Variants in CFAP54 observed in about 807,000 individuals in gnomAD.
The protein encoded by CFAP54 is cilia and flagella associated protein 54, also known as cilia- and flagella-associated protein 54.
Under a neutral mutation model 370.4 loss-of-function variants are expected in CFAP54, and 290 were observed. The observed-to-expected ratio is 0.78, with a 90% CI of 0.71 to 0.86. The LOEUF (loss-of-function observed/expected upper bound fraction) is 0.86, where lower values mean the gene tolerates loss of function less well. Among genes scored for constraint, CFAP54 ranks in the 40% least tolerant of loss-of-function variants. The pLI, the probability that CFAP54 is intolerant of heterozygous loss-of-function variation, is 0.00. For synonymous variants in CFAP54, 1,206 were observed against 1,236.5 expected (o/e 0.98, Z 0.52); for missense variants, 3,399 against 3,528.7 (o/e 0.96, Z 0.93).
intron 52 of CFAP54, among the ~76,000 whole-genome samples, 171 bp downstream of exon 52, chr12:96,742,757 T>C (rs893945983): frequency 6.6e-6 from 1 of 152,232 alleles, no homozygotes. Flanking sequence ...TTAACAGCCC[T>C]TTGTATCATT....
At chr12:96,582,725 A>C (rs1956043437) in intron 22 of CFAP54, among the ~76,000 whole-genome samples, 1 of 152,176 alleles carries the variant, frequency 6.6e-6, no homozygotes, top group African/African-American at 2.4e-5. Flanking sequence ...ACTAAGTCAG[A>C]GCTATACTGC....
At chr12:96,676,271 GA>G in intron 39 of CFAP54, among the ~76,000 whole-genome samples, 1 of 152,132 alleles carries the variant, frequency 6.6e-6, no homozygotes, top group Non-Finnish European at 1.5e-5. Context: ...ACAAGCCTGA[GA>G]AAAGTTAATG....
chr12:96,712,694 G>A (rs1389810114), intron 48 of CFAP54, among the ~76,000 whole-genome samples: 2 of 151,856 alleles, frequency 1.3e-5, no homozygotes, highest in African/African-American at 4.8e-5. Context: ...CCCCTTCCCA[G>A]CCTCTAGTAA....
At chr12:96,771,584 G>A (rs1012268090) in intron 60 of CFAP54, among the ~76,000 whole-genome samples, 10 of 152,112 alleles carry the variant, frequency 6.6e-5, no homozygotes, top group East Asian at 5.8e-4. Context: ...CCCGGGAGGC[G>A]GAGCTTGCAG....
chr12:96,752,085 TGAGAGAGAGAGAGAGAGAGAGA>T (rs55648812), intron 55 of CFAP54, among the ~76,000 whole-genome samples: 19 of 90,570 alleles, frequency 2.1e-4, no homozygotes, highest in African/African-American at 7.0e-4. Flanking sequence ...TCTTCCTGGA[TGAGAGAGAGAGAGAGAGAGAGA>T]GAGAGAGAGA....
At position 96,718,443 on chromosome 12, in the gene CFAP54, A is replaced by C; in HGVS notation, c.6725A>C (p.Glu2242Ala). The change falls in exon 49 of 68, where the codon GAG (glutamate) becomes GCG (alanine). Residue 2242 changes from glutamate to alanine, a missense_variant and splice_region_variant. Coordinates refer to ENST00000524981, the MANE Select transcript of CFAP54 (RefSeq NM_001306084.2). ...CTTCCAAAATTTTGTGTCTTTATAG[A>C]GATATATTCAAAGGATGATGGAAGT... ...KSKPNLPNLEEIYSKDDGSSF... is the reference protein window; with the variant it reads ...KSKPNLPNLEAIYSKDDGSSF... The C allele has an allele frequency of 6.9e-7, 1 of 1,458,874 alleles. No individual in the cohort carries two copies. The highest frequency in any genetic ancestry group is 1.1e-5 in the South Asian group (1 of 87,264). The allele number at this position is 1,458,874 out of a possible 1,614,324, so 90.4% of individuals were successfully genotyped here. A position where few individuals can be genotyped will look rare whatever the true frequency, so the allele number is the denominator to read the frequency against.
At chr12:96,570,427 T>A (rs1422281236) in intron 19 of CFAP54, among the ~76,000 whole-genome samples, 1 of 152,080 alleles carries the variant, frequency 6.6e-6, no homozygotes, top group Non-Finnish European at 1.5e-5. Context: ...TTAGCATATC[T>A]ACATTTTGGA....
chr12:96,855,326 A>AG (rs1431576922), intron 66 of CFAP54, among the ~76,000 whole-genome samples: 2 of 152,142 alleles, frequency 1.3e-5, no homozygotes, highest in African/African-American at 4.8e-5. Flanking sequence ...ACAATTCAAA[A>AG]CACAATCAGG....
At chr12:96,639,301 C>T (rs1241386369) in intron 32 of CFAP54, among the ~76,000 whole-genome samples, 1 of 152,180 alleles carries the variant, frequency 6.6e-6, no homozygotes, top group Non-Finnish European at 1.5e-5. Flanking sequence ...CTATAAACAC[C>T]TCTATGCAAA....
intron 22 of CFAP54, among the ~76,000 whole-genome samples, chr12:96,582,406 C>A (rs988900800): frequency 6.6e-6 from 1 of 152,032 alleles, no homozygotes; most frequent in African/African-American, 2.4e-5. Flanking sequence ...TGTCATATTT[C>A]TATTCTATTT....
chr12:96,655,666 G>C (rs543390330), intron 36 of CFAP54, among the ~76,000 whole-genome samples: 1 of 151,864 alleles, frequency 6.6e-6, no homozygotes, highest in Non-Finnish European at 1.5e-5. Flanking sequence ...AAAACAATCT[G>C]ATTTTTTTTA....
At chr12:96,511,470 C>A (rs1432058308) in intron 4 of CFAP54, among the ~76,000 whole-genome samples, 1 of 152,196 alleles carries the variant, frequency 6.6e-6, no homozygotes, top group East Asian at 1.9e-4. Context: ...AGGTGCATAC[C>A]ATCACGCCCA....
intron 27 of CFAP54, among the ~76,000 whole-genome samples, chr12:96,622,916 C>T (rs1303275047): frequency 6.6e-6 from 1 of 151,838 alleles, no homozygotes; most frequent in Non-Finnish European, 1.5e-5. Context: ...TTTGATTAAG[C>T]TGGAAGCAAT....
intron 66 of CFAP54, among the ~76,000 whole-genome samples, chr12:96,841,333 A>G (rs894926624): frequency 1.3e-5 from 2 of 152,168 alleles, no homozygotes; most frequent in Non-Finnish European, 2.9e-5. Context: ...ATTGCTTTCT[A>G]TTTTGCTGGA....
intron 39 of CFAP54, among the ~76,000 whole-genome samples, chr12:96,677,615 G>T (rs1244206655): frequency 1.3e-5 from 2 of 152,130 alleles, no homozygotes; most frequent in South Asian, 4.2e-4. Flanking sequence ...GGTGGGGACA[G>T]GGCAGAGCAG....
At chr12:96,495,269 C>T (rs143471860) in intron 1 of CFAP54, among the ~76,000 whole-genome samples, 44 of 114,450 alleles carry the variant, frequency 3.8e-4, no homozygotes, top group Non-Finnish European at 5.4e-4. Flanking sequence ...TCCTTCCTTC[C>T]TTCCTTCCTT....
At chr12:96,767,145 AT>A (rs1479610507) in intron 60 of CFAP54, among the ~76,000 whole-genome samples, 1 of 152,222 alleles carries the variant, frequency 6.6e-6, no homozygotes, top group Non-Finnish European at 1.5e-5. Context: ...CTAGGGAAAT[AT>A]ACACTGCTTG....
intron 64 of CFAP54, among the ~76,000 whole-genome samples, chr12:96,813,812 T>C (rs1256511111): frequency 1.3e-5 from 2 of 152,102 alleles, no homozygotes; most frequent in Admixed American, 1.3e-4. Flanking sequence ...CCAGACGGGA[T>C]GGTAGATGCT....
intron 60 of CFAP54, among the ~76,000 whole-genome samples, chr12:96,779,984 T>TATATTGGC (rs1489059438): frequency 1.6e-4 from 25 of 152,240 alleles, no homozygotes; most frequent in Admixed American, 7.8e-4. Context: ...TTTTGCATAG[T>TATATTGGC]TTTTGGGGGT....
Sources: gnomAD v4.1 joint callset for allele counts (sites outside exome capture counted in the v4.1 genomes callset) on GRCh38, gnomAD v4.1.1 for gene constraint, MANE v1.5 for transcripts, NCBI Gene and HGNC (gene_info 2026-07-23, HGNC 2026-07-21) for gene names.